AGBL4: variants seen among roughly 807,000 people sequenced by gnomAD.
AGBL4 encodes the protein AGBL carboxypeptidase 4, also known as cytosolic carboxypeptidase 6.
Under a neutral mutation model 66.4 loss-of-function variants are expected in AGBL4, and 58 were observed. The ratio of observed to expected loss-of-function variants is 0.87; its 90% CI spans 0.71 to 1.09. AGBL4 has a LOEUF of 1.09. Ranked by LOEUF, AGBL4 falls within the 50% of genes least tolerant of loss-of-function variation. The pLI, the probability that AGBL4 is intolerant of heterozygous loss-of-function variation, is 0.00. For missense variants in AGBL4, 579 were observed against 631.0 expected, an observed-to-expected ratio of 0.92 and a Z score of 0.88; for synonymous variants, 234 against 222.9, an observed-to-expected ratio of 1.05 and a Z score of -0.44.
intron 5 of AGBL4, among the ~76,000 whole-genome samples, chr1:48,879,193 G>C (rs113361181): frequency 0.012 from 1,730 of 148,264 alleles, 30 homozygotes; most frequent in African/African-American, 0.04. Context: ...AATGTGTTCA[G>C]TATAAAAAAA....
rs1356017370 is a variant in AGBL4, at chr1:49,106,973, T to C, written c.378-61173A>G. On this transcript the variant is annotated intron_variant, in intron 4 of 13. Coordinates refer to ENST00000371839, the MANE Select transcript of AGBL4 (RefSeq NM_032785.4). Reference sequence around the variant, plus strand: ...AATACTATGATAAGCTACTTGGGGATAGAAAATGAAATCCTAAGATCATGA... The same window carrying C: ...AATACTATGATAAGCTACTTGGGGACAGAAAATGAAATCCTAAGATCATGA... 6.6e-5 allele frequency among the ~76,000 whole-genome samples: 10 copies of C among 152,150 alleles called. No individual in the cohort carries two copies. In the South Asian group the frequency reaches 2.1e-3, roughly 32 times the overall value.
chr1:48,706,513 AT>A (rs879928669), intron 6 of AGBL4, among the ~76,000 whole-genome samples: 1 of 152,132 alleles, frequency 6.6e-6, no homozygotes, highest in Admixed American at 6.5e-5. Flanking sequence ...GAATAAAAAA[AT>A]ACAACTACAA....
chr1:49,786,164 AG>A (rs34385012), intron 2 of AGBL4, among the ~76,000 whole-genome samples: 12,234 of 152,146 alleles, frequency 0.08, 690 homozygotes, highest in African/African-American at 0.17. Flanking sequence ...TGATGCAGAG[AG>A]AATCCTCGCT....
chr1:48,918,157 G>C (rs748575313), intron 5 of AGBL4, among the ~76,000 whole-genome samples: 1 of 152,246 alleles, frequency 6.6e-6, no homozygotes, highest in Non-Finnish European at 1.5e-5. Flanking sequence ...TTGGATTGCT[G>C]GTCGTGCTGA....
chr1:49,000,701 T>C (rs1185886727), intron 5 of AGBL4, among the ~76,000 whole-genome samples: 3 of 152,218 alleles, frequency 2.0e-5, no homozygotes, highest in Non-Finnish European at 4.4e-5. Flanking sequence ...ACTACTGGAC[T>C]AGCTGCTCTT....
chr1:49,963,990 G>A (rs1657341791), intron 1 of AGBL4, among the ~76,000 whole-genome samples: 1 of 152,010 alleles, frequency 6.6e-6, no homozygotes, highest in South Asian at 2.1e-4. Context: ...TGTTTCTCAT[G>A]CAAAAATAAT....
At chr1:49,439,970 G>A (rs1260441258) in intron 3 of AGBL4, among the ~76,000 whole-genome samples, 1 of 152,068 alleles carries the variant, frequency 6.6e-6, no homozygotes, top group Non-Finnish European at 1.5e-5. Context: ...AGTGGTTCTA[G>A]AGGAACAGAA....
At chr1:49,885,359 A>G (rs1465612054) in intron 1 of AGBL4, among the ~76,000 whole-genome samples, 1 of 152,014 alleles carries the variant, frequency 6.6e-6, no homozygotes, top group East Asian at 1.9e-4. Context: ...AAGATAATCT[A>G]TATGTTTGGA....
intron 3 of AGBL4, among the ~76,000 whole-genome samples, chr1:49,508,919 A>T (rs1648941774): frequency 6.6e-6 from 1 of 151,848 alleles, no homozygotes; most frequent in African/African-American, 2.4e-5. Flanking sequence ...AACTCAATTC[A>T]TCCAATAAGA....
At chr1:48,655,359 G>A (rs1021671700) in intron 7 of AGBL4, among the ~76,000 whole-genome samples, 21 of 151,878 alleles carry the variant, frequency 1.4e-4, no homozygotes, top group African/African-American at 5.1e-4. Context: ...AGGAGTATGG[G>A]GAAGACTGAG....
intron 11 of AGBL4, among the ~76,000 whole-genome samples, chr1:48,572,688 AG>A (rs529493620): frequency 6.6e-6 from 1 of 152,138 alleles, no homozygotes; most frequent in East Asian, 1.9e-4. Flanking sequence ...GGAGAACTGA[AG>A]GGGGGGTGCG....
intron 4 of AGBL4, among the ~76,000 whole-genome samples, chr1:49,071,565 T>G (rs1479474837): frequency 6.6e-6 from 1 of 152,008 alleles, no homozygotes; most frequent in African/African-American, 2.4e-5. Flanking sequence ...TGAGTGAGTT[T>G]CTTAATCCTG....
intron 6 of AGBL4, among the ~76,000 whole-genome samples, chr1:48,789,375 G>A (rs773322657): frequency 4.6e-5 from 7 of 151,566 alleles, no homozygotes; most frequent in South Asian, 2.1e-4. Flanking sequence ...TGCAAGCTCC[G>A]CCTCCTGGGT....
intron 4 of AGBL4, among the ~76,000 whole-genome samples, chr1:49,145,303 A>G (rs1174171710): frequency 3.9e-5 from 6 of 152,136 alleles, no homozygotes; most frequent in Admixed American, 3.3e-4. Context: ...AATTAATAAG[A>G]CTGCCTGGTT....
At chr1:49,679,129 G>A (rs770336073) in intron 3 of AGBL4, among the ~76,000 whole-genome samples, 5 of 152,130 alleles carry the variant, frequency 3.3e-5, no homozygotes, top group Non-Finnish European at 5.9e-5. Context: ...GTTGTTGAGA[G>A]AGGGGTGTTG....
chr1:48,962,804 G>A (rs2148942375), intron 5 of AGBL4, among the ~76,000 whole-genome samples: 1 of 152,110 alleles, frequency 6.6e-6, no homozygotes, highest in East Asian at 1.9e-4. Context: ...ATTCTATATT[G>A]AGAATATGAT....
At chr1:49,680,315 C>G (rs1445853657) in intron 3 of AGBL4, among the ~76,000 whole-genome samples, 1 of 150,080 alleles carries the variant, frequency 6.7e-6, no homozygotes, top group Non-Finnish European at 1.5e-5. Flanking sequence ...TCCCAAGGTG[C>G]TGGGATTACA....
At chr1:49,767,671 T>A (rs1303146069) in intron 2 of AGBL4, among the ~76,000 whole-genome samples, 3 of 152,112 alleles carry the variant, frequency 2.0e-5, no homozygotes, top group African/African-American at 7.2e-5. Flanking sequence ...AAAAGCTGTT[T>A]CTTTGAAATG....
At chr1:49,778,937 G>A (rs551388836) in intron 2 of AGBL4, among the ~76,000 whole-genome samples, 1 of 152,250 alleles carries the variant, frequency 6.6e-6, no homozygotes, top group South Asian at 2.1e-4. Context: ...ACATGCACAT[G>A]TATCCCCTGA....
Sources: gnomAD v4.1 joint callset for allele counts (sites outside exome capture counted in the v4.1 genomes callset) on GRCh38, gnomAD v4.1.1 for gene constraint, MANE v1.5 for transcripts, NCBI Gene and HGNC (gene_info 2026-07-23, HGNC 2026-07-21) for gene names.